The following SMU1 variants were observed in gnomAD, a reference collection of about 807,000 sequenced individuals.
The protein encoded by SMU1 is SMU1 DNA replication regulator and spliceosomal factor, also known as WD40 repeat-containing protein SMU1.
SMU1 carries 2 observed loss-of-function variants against 62.0 expected under a neutral mutation model. The observed-to-expected ratio is 0.03, with a 90% CI of 0.01 to 0.10. SMU1 has a LOEUF of 0.10. Ranked by LOEUF, SMU1 falls within the 10% of genes least tolerant of loss-of-function variation. The pLI is 1.00. For synonymous variants in SMU1, 188 were observed against 212.4 expected (o/e 0.89, Z 1.00); for missense variants, 227 against 622.1 (o/e 0.36, Z 6.76).
chr9:33,059,273 AAC>A (rs1240395330), intron 6 of SMU1, among the ~76,000 whole-genome samples: 2 of 152,130 alleles, frequency 1.3e-5, no homozygotes, highest in African/African-American at 2.4e-5. Flanking sequence ...CATAATAAGT[AAC>A]ACACACACAG....
At chr9:33,061,005 G>C (rs1288793196) in intron 5 of SMU1, among the ~76,000 whole-genome samples, 1 of 152,162 alleles carries the variant, frequency 6.6e-6, no homozygotes, top group Non-Finnish European at 1.5e-5. Context: ...CAAACTAAAT[G>C]TATGTTTCCC....
At chr9:33,060,419 A>C (rs770634756) in intron 6 of SMU1, 46 bp downstream of exon 6, 2 of 1,530,712 alleles carry the variant, frequency 1.3e-6, no homozygotes, top group Non-Finnish European at 1.8e-6. Context: ...AATTCAAAGC[A>C]GGTAATTTTT....
At chr9:33,057,567 A>C in intron 7 of SMU1, 31 bp downstream of exon 7, 2 of 1,611,632 alleles carry the variant, frequency 1.2e-6, no homozygotes, top group Non-Finnish European at 1.7e-6. Context: ...CAAAATGTCT[A>C]CATATGAGAG....
intron 10 of SMU1, among the ~76,000 whole-genome samples, chr9:33,049,028 A>G (rs1839215270): frequency 6.6e-6 from 1 of 152,270 alleles, no homozygotes; most frequent in Non-Finnish European, 1.5e-5. Context: ...TCAATATGGT[A>G]AAGATGTCAG....
At chr9:33,066,073 G>A (rs1360006254) in intron 4 of SMU1, among the ~76,000 whole-genome samples, 1 of 152,138 alleles carries the variant, frequency 6.6e-6, no homozygotes, top group Non-Finnish European at 1.5e-5. Flanking sequence ...AATGACAAAT[G>A]AGGATCCCCA....
At chr9:33,057,951 ATC>A (rs1279783247) in intron 6 of SMU1, among the ~76,000 whole-genome samples, 1 of 152,184 alleles carries the variant, frequency 6.6e-6, no homozygotes, top group Non-Finnish European at 1.5e-5. Flanking sequence ...ACTACTCTAG[ATC>A]TTTTCCTTAC....
chr9:33,059,116 T>C (rs1402770719), intron 6 of SMU1, among the ~76,000 whole-genome samples: 1 of 152,152 alleles, frequency 6.6e-6, no homozygotes, highest in Non-Finnish European at 1.5e-5. Context: ...TGATCTTAAA[T>C]AAAATGGGTG....
At chr9:33,066,878 T>C (rs955988302) in intron 4 of SMU1, among the ~76,000 whole-genome samples, 1 of 151,438 alleles carries the variant, frequency 6.6e-6, no homozygotes, top group Non-Finnish European at 1.5e-5. Flanking sequence ...ATTCCCAGTA[T>C]GAAGATGAGA....
intron 3 of SMU1, among the ~76,000 whole-genome samples, chr9:33,071,496 A>C (rs1839485999): frequency 6.6e-6 from 1 of 152,118 alleles, no homozygotes; most frequent in South Asian, 2.1e-4. Context: ...TTTTTTACTA[A>C]CCAACACGCA....
At chr9:33,063,101 C>T (rs778858590) in intron 4 of SMU1, among the ~76,000 whole-genome samples, 12 of 152,186 alleles carry the variant, frequency 7.9e-5, no homozygotes, top group Non-Finnish European at 1.5e-4. Context: ...GTGGCTCACG[C>T]CTGTAATTCC....
In SMU1 at chr9:33,050,825, CA is replaced by C. The variant is rs771666326; in HGVS notation, c.1290+2297del. Among the ~76,000 whole-genome samples the C allele has an allele frequency of 8.2e-4, 64 of 78,292 alleles. 1 individual carries two copies. The highest frequency in any genetic ancestry group is 7.9e-4 in the African/African-American group (16 of 20,298). The allele number at this position is 78,292 out of a possible 152,430, so 51.4% of individuals were successfully genotyped here. ...TGGGGGAGAAGGTGAGACTCCATCT[CA>C]AAAAAAAAAATAAGGCCGGGCGCGG... is the stretch of plus-strand genomic sequence containing the variant. On this transcript the variant is annotated intron_variant, in intron 10 of 11. Transcript: ENST00000397149.
chr9:33,071,984 G>A lies in SMU1; in HGVS notation c.238-92C>T, dbSNP rs184184637. 2,489 of 1,250,062 alleles carry A rather than the reference G, an allele frequency of 2.0e-3. 6 individuals carry two copies. Among genetic ancestry groups the A allele is most frequent in the South Asian group, 4.1e-3 (224 of 54,564 alleles). The allele number at this position is 1,250,062 out of a possible 1,614,324, so 77.4% of individuals were successfully genotyped here. On this transcript the variant is annotated intron_variant, in intron 2 of 11. Coordinates refer to ENST00000397149, the MANE Select transcript of SMU1 (RefSeq NM_018225.3). ...CGGTAAAATATCTAACACAGATATG[G>A]CCTGTCAAAGGATTTCCAATACCAG... is the stretch of plus-strand genomic sequence containing the variant.
At position 33,044,964 on chromosome 9, in the gene SMU1, G is replaced by A. The variant is rs539848519; in HGVS notation, c.*2329C>T. ...TAACTGCCCGCCTCATCATCACAAA[G>A]GTAACTTGAGCTTTTATCAGTTTTA... On this transcript the variant is annotated 3_prime_UTR_variant, in exon 12 of 12. Transcript: ENST00000397149. The A allele has an allele frequency of 2.6e-5, 4 of 152,208 alleles. No individual in the cohort carries two copies. The highest frequency in any genetic ancestry group is 9.6e-5 in the African/African-American group (4 of 41,524). 9.4% of individuals were successfully genotyped at this position (152,208 alleles called of 1,614,324 possible).
At chr9:33,071,715 T>A in intron 3 of SMU1, 25 bp downstream of exon 3, 1 of 1,578,264 alleles carries the variant, frequency 6.3e-7, no homozygotes, top group Non-Finnish European at 8.6e-7. Context: ...TAACAAAAAG[T>A]TCCTTTTCAT....
At chr9:33,052,343 G>T (rs189855437) in intron 10 of SMU1, among the ~76,000 whole-genome samples, 81 of 152,158 alleles carry the variant, frequency 5.3e-4, no homozygotes, top group Middle Eastern at 6.8e-3. Context: ...TCAAAATAAA[G>T]TATTTTAAAA....
rs867079398 is a variant in SMU1, at chr9:33,048,403, A to G, written c.1291-145T>C. 1.4e-5 allele frequency: 13 copies of G among 942,670 alleles called. No homozygotes were observed. The Middle Eastern group carries it at 1.3e-3, about 96-fold the overall frequency. The allele number at this position is 942,670 out of a possible 1,614,324, so 58.4% of individuals were successfully genotyped here. On this transcript the variant is annotated intron_variant, in intron 10 of 11. Transcript: ENST00000397149. ...AATTAGATCTCCAGTCCTGTTCATC[A>G]TGTGCTAACTCCCCTTGCCTGGGAA...
chr9:33,074,233 CAGG>C (rs893926770), intron 1 of SMU1, among the ~76,000 whole-genome samples: 7 of 152,072 alleles, frequency 4.6e-5, no homozygotes, highest in South Asian at 4.1e-4. Flanking sequence ...GAGGCTGAGG[CAGG>C]AGGATTGGCT....
rs182340184 is a variant in SMU1 at position 33,061,801 on chromosome 9, A to C, written c.630+248T>G. 3.9e-4 allele frequency among the ~76,000 whole-genome samples: 59 copies of C among 152,352 alleles called. 1 individual carries two copies. The highest frequency in any genetic ancestry group is 1.4e-3 in the African/African-American group (57 of 41,586). On this transcript the variant is annotated intron_variant, in intron 5 of 11. Coordinates refer to ENST00000397149, the MANE Select transcript of SMU1 (RefSeq NM_018225.3). ...TCCAAATGCAGGCTTCTTGGGAAGA[A>C]GTGCAAGGGCAGATGGTGGGCTAGA... is the stretch of plus-strand genomic sequence containing the variant.
intron 9 of SMU1, among the ~76,000 whole-genome samples, chr9:33,054,042 T>A (rs986108714): frequency 1.3e-5 from 2 of 152,176 alleles, no homozygotes; most frequent in Non-Finnish European, 2.9e-5. Context: ...GTCAGCACTT[T>A]GGGAAGCCAA....
Sources: gnomAD v4.1 joint callset for allele counts (sites outside exome capture counted in the v4.1 genomes callset) on GRCh38, gnomAD v4.1.1 for gene constraint, MANE v1.5 for transcripts, NCBI Gene and HGNC (gene_info 2026-07-23, HGNC 2026-07-21) for gene names.